CACNA1A: variants seen among roughly 807,000 people sequenced by gnomAD.
The protein encoded by CACNA1A is voltage-dependent P/Q-type calcium channel subunit alpha-1A.
In CACNA1A, 57 loss-of-function variants were observed where a neutral mutation model predicts 262.4. The ratio of observed to expected loss-of-function variants is 0.22; its 90% confidence interval spans 0.18 to 0.27. CACNA1A has a LOEUF of 0.27. Among genes scored for constraint, CACNA1A ranks in the 10% least tolerant of loss-of-function variants. The probability of loss-of-function intolerance (pLI) is 1.00; values close to 1 mark genes in which losing one functional copy is unlikely to be tolerated. For missense variants in CACNA1A, 2,526 were observed against 3,562.8 expected (o/e 0.71, Z 7.41); for synonymous variants, 1,431 against 1,419.3 (o/e 1.01, Z -0.18).
At chr19:13,485,666 A>G (rs192577498) in intron 1 of CACNA1A, among the ~76,000 whole-genome samples, 86 of 152,320 alleles carry the variant, frequency 5.6e-4, no homozygotes, top group African/African-American at 2.0e-3. Context: ...CTAAAATCAC[A>G]ATGAGAAATC....
intron 46 of CACNA1A, 61 bp from the exon 47 acceptor site, chr19:13,208,114 A>C: frequency 1.1e-5 from 11 of 988,734 alleles, no homozygotes; most frequent in African/African-American, 1.8e-5. Flanking sequence ...CAAAGGAGAC[A>C]CGGGATTGGG....
intron 3 of CACNA1A, among the ~76,000 whole-genome samples, chr19:13,387,184 C>T (rs1439391902): frequency 6.6e-6 from 1 of 152,138 alleles, no homozygotes; most frequent in Non-Finnish European, 1.5e-5. Flanking sequence ...CTCCTGACCT[C>T]AGGTGATCCA....
intron 3 of CACNA1A, among the ~76,000 whole-genome samples, chr19:13,405,975 G>A (rs1028404016): frequency 3.9e-5 from 6 of 152,044 alleles, no homozygotes; most frequent in African/African-American, 4.8e-5. Context: ...ATGGGACTTC[G>A]ATATTGCCTG....
At chr19:13,393,803 C>CTCCCTCCG (rs1568602743) in intron 3 of CACNA1A, among the ~76,000 whole-genome samples, 1 of 107,598 alleles carries the variant, frequency 9.3e-6, no homozygotes, top group Non-Finnish European at 2.1e-5. Context: ...CCTTCCCTCC[C>CTCCCTCCG]TCCTTCCTCT....
At chr19:13,278,859 C>T (rs2057216470) in intron 22 of CACNA1A, among the ~76,000 whole-genome samples, 1 of 152,040 alleles carries the variant, frequency 6.6e-6, no homozygotes, top group Non-Finnish European at 1.5e-5. Context: ...GACCAGAGTG[C>T]CTGGGGTCAG....
intron 3 of CACNA1A, among the ~76,000 whole-genome samples, chr19:13,444,601 T>C (rs1398126638): frequency 2.6e-5 from 4 of 152,210 alleles, no homozygotes; most frequent in Non-Finnish European, 5.9e-5. Context: ...AAAGAGGCCA[T>C]AGGCTAGTCA....
At chr19:13,418,107 C>T (rs2060255568) in intron 3 of CACNA1A, among the ~76,000 whole-genome samples, 1 of 152,120 alleles carries the variant, frequency 6.6e-6, no homozygotes, top group African/African-American at 2.4e-5. Flanking sequence ...CCTGGCTCTG[C>T]CACTTACTGT....
intron 4 of CACNA1A, 161 bp downstream of exon 4, chr19:13,371,527 T>C (rs538814498): frequency 1.6e-6 from 1 of 609,832 alleles, no homozygotes; most frequent in East Asian, 2.8e-5. Context: ...GGAGCTACAG[T>C]CATATTCCTA....
intron 3 of CACNA1A, among the ~76,000 whole-genome samples, chr19:13,439,630 C>T (rs1196837440): frequency 1.3e-5 from 2 of 151,522 alleles, no homozygotes; most frequent in Non-Finnish European, 2.9e-5. Context: ...CCAGGATGGT[C>T]TCGATCTCCT....
chr19:13,252,231 TA>T (rs1348580900), intron 30 of CACNA1A, among the ~76,000 whole-genome samples: 4 of 151,364 alleles, frequency 2.6e-5, no homozygotes, highest in African/African-American at 7.3e-5. Flanking sequence ...CCTGGCTAAT[TA>T]AAAAAAAATT....
chr19:13,337,571 T>A (rs1438129235), intron 6 of CACNA1A, among the ~76,000 whole-genome samples: 1 of 152,184 alleles, frequency 6.6e-6, no homozygotes, highest in Non-Finnish European at 1.5e-5. Context: ...GCAATGAATC[T>A]ATTTCCAAAT....
At chr19:13,386,002 T>C (rs1321817266) in intron 3 of CACNA1A, among the ~76,000 whole-genome samples, 1 of 151,556 alleles carries the variant, frequency 6.6e-6, no homozygotes, top group African/African-American at 2.4e-5. Flanking sequence ...ACAAAAAATA[T>C]AAAAATTAGC....
Position 13,235,725 on chromosome 19 carries a change from G to T in CACNA1A, c.4956C>A (p.Asn1652Lys). 6.2e-7 allele frequency: 1 copy of T among 1,612,430 alleles called. No homozygotes were observed. The highest frequency in any genetic ancestry group is 8.5e-7 in the Non-Finnish European group (1 of 1,178,568). The change falls in exon 32 of 47, where the codon AAC (asparagine) becomes AAA (lysine). Residue 1652 changes from asparagine (N) to lysine (K), a missense_variant. Transcript: ENST00000360228. ...TDILVTEFGN[N>K]FINLSFLRLF... Reference sequence around the variant, plus strand: ...GGCGGAGAAAGCTCAGGTTGATGAAGTTATTCTGGGGAGATGGAGGAAGAG... The same window carrying T: ...GGCGGAGAAAGCTCAGGTTGATGAATTTATTCTGGGGAGATGGAGGAAGAG...
At chr19:13,375,097 G>A (rs751479314) in intron 3 of CACNA1A, among the ~76,000 whole-genome samples, 170 of 152,186 alleles carry the variant, frequency 1.1e-3, no homozygotes, top group African/African-American at 3.7e-3. Flanking sequence ...TTCCAACAGC[G>A]TGTGCTCACT....
At chr19:13,300,468 C>G (rs1301277605) in intron 18 of CACNA1A, 82 bp downstream of exon 18, 1 of 942,694 alleles carries the variant, frequency 1.1e-6, no homozygotes, top group Non-Finnish European at 1.7e-6. Context: ...AAGGACCACC[C>G]CCACTGCTTC....
rs963743814 is a variant in CACNA1A at position 13,364,525 on chromosome 19, C to T, written c.784+792G>A. 5 of 152,422 alleles carry T rather than the reference C, an allele frequency of 3.3e-5. No homozygotes were observed. In the South Asian group the frequency reaches 1.0e-3, roughly 32 times the overall value. The allele number at this position is 152,422 out of a possible 1,614,324, so 9.4% of individuals were successfully genotyped here. On this transcript the variant is annotated intron_variant, in intron 5 of 46. Coordinates refer to ENST00000360228, the MANE Select transcript of CACNA1A (RefSeq NM_001127222.2). ...GCCAGATGTGCCAGGCATTAATTCC[C>T]ACTCTAGGAGCAGTCCTCACCAATG...
chr19:13,222,989 A>G (rs1416765341), intron 38 of CACNA1A, among the ~76,000 whole-genome samples: 1 of 152,074 alleles, frequency 6.6e-6, no homozygotes, highest in African/African-American at 2.4e-5. Context: ...CACTGCGCCC[A>G]GCCCCTTCTC....
At chr19:13,216,369 G>A (rs145849794) in intron 38 of CACNA1A, among the ~76,000 whole-genome samples, 285 of 152,078 alleles carry the variant, frequency 1.9e-3, no homozygotes, top group African/African-American at 6.2e-3. Context: ...ATGGAGTCTC[G>A]CTCTGTCACT....
chr19:13,281,434 C>T (rs151312900), intron 22 of CACNA1A, among the ~76,000 whole-genome samples: 3 of 145,714 alleles, frequency 2.1e-5, no homozygotes, highest in African/African-American at 5.1e-5. Context: ...AAGCCAAAAA[C>T]GCTCATTCCA....
Sources: gnomAD v4.1 joint callset for allele counts (sites outside exome capture counted in the v4.1 genomes callset) on GRCh38, gnomAD v4.1.1 for gene constraint, MANE v1.5 for transcripts, NCBI Gene and HGNC (gene_info 2026-07-23, HGNC 2026-07-21) for gene names.